The following PLD5 variants were observed in gnomAD, a reference collection of about 807,000 sequenced individuals.
The protein encoded by PLD5 is inactive phospholipase D5.
PLD5 carries 36 observed loss-of-function variants against 61.1 expected under a neutral mutation model. The ratio of observed to expected loss-of-function variants is 0.59; its 90% CI spans 0.45 to 0.78. PLD5 has a LOEUF of 0.78. PLD5 is among the 30% of genes least tolerant of loss of function. The probability of loss-of-function intolerance (pLI) is 0.00; values close to 1 mark genes in which losing one functional copy is unlikely to be tolerated. For synonymous variants in PLD5, 243 were observed against 242.8 expected, an observed-to-expected ratio of 1.00 and a Z score of -0.01; for missense variants, 515 against 644.4, an observed-to-expected ratio of 0.80 and a Z score of 2.17.
chr1:242,284,615 T>C (rs1674917091), intron 3 of PLD5, among the ~76,000 whole-genome samples: 1 of 152,176 alleles, frequency 6.6e-6, no homozygotes, highest in South Asian at 2.1e-4. Context: ...TTTAAGACCA[T>C]AGTCCATGCC....
chr1:242,394,184 GTA>G (rs1553366262), intron 1 of PLD5, among the ~76,000 whole-genome samples: 1 of 61,578 alleles, frequency 1.6e-5, no homozygotes, highest in South Asian at 7.7e-4. Flanking sequence ...GTATATATGA[GTA>G]TATATGAGTA....
At chr1:242,525,496 T>C (rs914113904), upstream of PLD5, among the ~76,000 whole-genome samples, 1 of 152,250 alleles carries the variant, frequency 6.6e-6, no homozygotes, top group Non-Finnish European at 1.5e-5. Flanking sequence ...GTGATGATTA[T>C]TAGGAATAGG....
chr1:242,401,935 T>TTGAA (rs1663957520), intron 1 of PLD5, among the ~76,000 whole-genome samples: 1 of 152,216 alleles, frequency 6.6e-6, no homozygotes, highest in Non-Finnish European at 1.5e-5. Context: ...TAAACATTTG[T>TTGAA]TGAATGAATG....
At chr1:242,374,001 C>T (rs72763075) in intron 1 of PLD5, among the ~76,000 whole-genome samples, 10 of 151,822 alleles carry the variant, frequency 6.6e-5, no homozygotes, top group African/African-American at 2.4e-4. Flanking sequence ...GAACAAAGCA[C>T]CACATTGAGC....
chr1:242,314,019 C>T (rs1319225712), intron 2 of PLD5, among the ~76,000 whole-genome samples: 1 of 152,070 alleles, frequency 6.6e-6, no homozygotes, highest in African/African-American at 2.4e-5. Flanking sequence ...CTTTAGTGGT[C>T]ACCTGAGAAG....
At chr1:242,166,336 G>C (rs1465158363) in intron 5 of PLD5, among the ~76,000 whole-genome samples, 1 of 152,208 alleles carries the variant, frequency 6.6e-6, no homozygotes, top group Admixed American at 6.5e-5. Flanking sequence ...AAGGCATACA[G>C]CAAACATCCA....
At chr1:242,114,426 C>G (rs1661782412) in intron 6 of PLD5, among the ~76,000 whole-genome samples, 1 of 152,092 alleles carries the variant, frequency 6.6e-6, no homozygotes, top group Admixed American at 6.5e-5. Flanking sequence ...TGGAAACATT[C>G]AATATCTTCC....
chr1:242,146,845 G>A (rs1030344299), intron 5 of PLD5, among the ~76,000 whole-genome samples: 5 of 152,122 alleles, frequency 3.3e-5, no homozygotes, highest in Non-Finnish European at 5.9e-5. Flanking sequence ...GGGAATCACG[G>A]ACTCACAGGA....
At chr1:242,371,266 G>C (rs866938354) in intron 1 of PLD5, among the ~76,000 whole-genome samples, 2 of 152,218 alleles carry the variant, frequency 1.3e-5, no homozygotes, top group South Asian at 2.1e-4. Context: ...GTTAGGGTGA[G>C]AGAGAACCTT....
chr1:242,142,829 C>T (rs748666259), intron 5 of PLD5, among the ~76,000 whole-genome samples: 27 of 152,028 alleles, frequency 1.8e-4, no homozygotes, highest in African/African-American at 4.6e-4. Flanking sequence ...CATGTTCAAG[C>T]GATTCTCCTG....
intron 1 of PLD5, among the ~76,000 whole-genome samples, chr1:242,355,161 C>T (rs1373199394): frequency 2.0e-5 from 3 of 152,100 alleles, no homozygotes; most frequent in Non-Finnish European, 4.4e-5. Context: ...AGTATTCTTT[C>T]CTCTGTGATT....
intron 5 of PLD5, among the ~76,000 whole-genome samples, chr1:242,126,348 G>C (rs1426623757): frequency 1.3e-5 from 2 of 152,214 alleles, no homozygotes; most frequent in East Asian, 3.9e-4. Context: ...GCCTGCATAG[G>C]CCAAAGCAAG....
chr1:242,354,613 CCTTTT>C (rs1660655897), intron 1 of PLD5, among the ~76,000 whole-genome samples: 1 of 152,006 alleles, frequency 6.6e-6, no homozygotes, highest in Non-Finnish European at 1.5e-5. Flanking sequence ...TATTTGGATG[CCTTTT>C]ATTTCTTTCT....
chr1:242,406,647 G>A (rs757498069), intron 1 of PLD5, among the ~76,000 whole-genome samples: 2 of 152,220 alleles, frequency 1.3e-5, no homozygotes, highest in Admixed American at 6.5e-5. Flanking sequence ...TTAGTTCTGA[G>A]AGAAATGCTC....
At position 242,510,743 on chromosome 1, in the gene PLD5, GC is replaced by G. The variant is rs1269693966; in HGVS notation, c.189+13344del. Among the ~76,000 whole-genome samples, 85 of 152,072 alleles carry G rather than the reference GC, an allele frequency of 5.6e-4. 1 individual carries two copies. Among genetic ancestry groups the G allele is most frequent in the African/African-American group, 1.9e-3 (80 of 41,494 alleles). On this transcript the variant is annotated intron_variant, in intron 1 of 9. Coordinates refer to ENST00000536534, the MANE Select transcript of PLD5 (RefSeq NM_001372062.1). The stretch of plus-strand genomic sequence containing the variant: ...GCCTGTAGTCCCAGCTACTCAGGAG[GC>G]CGAGGCAGGAGAATGGCATGACCCC...
intron 4 of PLD5, among the ~76,000 whole-genome samples, chr1:242,237,608 C>T (rs757055025): frequency 6.6e-6 from 1 of 152,272 alleles, no homozygotes; most frequent in Non-Finnish European, 1.5e-5. Context: ...GTAACAGCCA[C>T]GTGCCTAAAA....
chr1:242,244,311 A>G (rs2800761), intron 4 of PLD5, among the ~76,000 whole-genome samples: 144,532 of 152,290 alleles, frequency 0.95, 69,060 homozygotes, highest in East Asian at 1. Flanking sequence ...ACTCATGATG[A>G]GGAAGAGGTG....
At position 242,364,949 on chromosome 1, in the gene PLD5, A is replaced by G. The variant is rs1249419706; in HGVS notation, c.190-16707T>C. Among the ~76,000 whole-genome samples the G allele has an allele frequency of 2.7e-5, 4 of 146,286 alleles. No individual in the cohort carries two copies. The East Asian group carries it at 6.1e-4, about 22-fold the overall frequency. ...TCTTTGAAGATGTCGATAAAAATGG[A>G]TCAACTTTTAGCAATACAGATAAGG... On this transcript the variant is annotated intron_variant, in intron 1 of 9. Coordinates refer to ENST00000536534, the MANE Select transcript of PLD5 (RefSeq NM_001372062.1).
intron 9 of PLD5, among the ~76,000 whole-genome samples, chr1:242,091,249 A>G (rs1356777696): frequency 6.6e-6 from 1 of 152,166 alleles, no homozygotes; most frequent in Non-Finnish European, 1.5e-5. Flanking sequence ...TTAGGACTTC[A>G]ACATATGAAT....
Sources: gnomAD v4.1 joint callset for allele counts (sites outside exome capture counted in the v4.1 genomes callset) on GRCh38, gnomAD v4.1.1 for gene constraint, MANE v1.5 for transcripts, NCBI Gene and HGNC (gene_info 2026-07-23, HGNC 2026-07-21) for gene names.